Variants in ARMC8 observed in about 807,000 individuals in gnomAD.
The protein encoded by ARMC8 is armadillo repeat-containing protein 8.
A neutral mutation model predicts 99.3 loss-of-function variants in ARMC8; 20 were observed. The observed-to-expected ratio is 0.20, with a 90% CI of 0.14 to 0.29. The LOEUF is 0.29. Among genes scored for constraint, ARMC8 ranks in the 10% least tolerant of loss-of-function variants. The pLI, the probability that ARMC8 is intolerant of heterozygous loss-of-function variation, is 1.00. For synonymous variants in ARMC8, 263 were observed against 278.3 expected (o/e 0.95, Z 0.55); for missense variants, 569 against 809.5 (o/e 0.70, Z 3.60).
intron 5 of ARMC8, among the ~76,000 whole-genome samples, chr3:138,224,588 T>G (rs1273146409): frequency 6.6e-6 from 1 of 152,124 alleles, no homozygotes; most frequent in Non-Finnish European, 1.5e-5. Flanking sequence ...CCATTTCTAT[T>G]AAAACTACAG....
intron 6 of ARMC8, 129 bp downstream of exon 6, chr3:138,229,139 T>A (rs1356723568): frequency 2.0e-4 from 8 of 39,682 alleles, no homozygotes; most frequent in Non-Finnish European, 2.0e-4. Context: ...TGCGTGTATA[T>A]ATATATATAT....
chr3:138,245,153 T>C lies in ARMC8; in HGVS notation c.1104T>C (p.Leu368=). ...RQAAFKLYAS[L]GANDEDIRKK... Reference sequence around the variant, plus strand: ...CTGCATTCAAGCTCTATGCCTCTCTTGGAGCAAATGATGAAGACATCCGGA... The same window carrying C: ...CTGCATTCAAGCTCTATGCCTCTCTCGGAGCAAATGATGAAGACATCCGGA... The change falls in exon 12 of 22, where the codon CTT becomes CTC. Residue 368 remains leucine (L), a synonymous_variant. Coordinates refer to ENST00000469044, the MANE Select transcript of ARMC8 (RefSeq NM_001363941.2). The C allele has an allele frequency of 1.9e-6, 3 of 1,614,206 alleles. No homozygotes were observed. Among genetic ancestry groups the C allele is most frequent in the Non-Finnish European group, 2.5e-6 (3 of 1,180,038 alleles).
intron 1 of ARMC8, among the ~76,000 whole-genome samples, chr3:138,192,041 T>A (rs1314331669): frequency 6.6e-6 from 1 of 152,222 alleles, no homozygotes; most frequent in East Asian, 1.9e-4. Flanking sequence ...AGATGGTAAA[T>A]GCATGTTTAA....
intron 12 of ARMC8, chr3:138,246,892 T>A (rs1275464435): frequency 2.3e-6 from 2 of 881,598 alleles, no homozygotes; most frequent in African/African-American, 3.6e-5. Context: ...TAATTATAGT[T>A]TTTTGTGTGG....
chr3:138,263,560 C>T, intron 12 of ARMC8, 179 bp from the exon 13 acceptor site: 1 of 633,278 alleles, frequency 1.6e-6, no homozygotes, highest in East Asian at 2.8e-5. Flanking sequence ...CCTTAGTGGG[C>T]TAGACCTACC....
chr3:138,234,794 T>G (rs141894284), intron 6 of ARMC8, among the ~76,000 whole-genome samples: 45 of 152,314 alleles, frequency 3.0e-4, no homozygotes, highest in African/African-American at 1.1e-3. Context: ...GGCCCACTTC[T>G]ATATTTCTAG....
chr3:138,246,845 G>A (rs2046904150), intron 12 of ARMC8: 4 of 950,978 alleles, frequency 4.2e-6, no homozygotes, highest in East Asian at 1.2e-4. Context: ...GATCGTTTCT[G>A]TAGAAAGATG....
At chr3:138,206,994 T>C (rs943760178) in intron 1 of ARMC8, among the ~76,000 whole-genome samples, 1 of 152,246 alleles carries the variant, frequency 6.6e-6, no homozygotes, top group African/African-American at 2.4e-5. Flanking sequence ...AAATCTCCAA[T>C]TGTGGTCCAC....
chr3:138,196,194 T>G (rs951982306), intron 1 of ARMC8, among the ~76,000 whole-genome samples: 9 of 152,180 alleles, frequency 5.9e-5, no homozygotes, highest in African/African-American at 2.2e-4. Flanking sequence ...GTCATGATGA[T>G]CATTATGATA....
At chr3:138,269,289 TGACAA>T (rs1248752599) in intron 15 of ARMC8, among the ~76,000 whole-genome samples, 1 of 152,222 alleles carries the variant, frequency 6.6e-6, no homozygotes, top group Non-Finnish European at 1.5e-5. Context: ...ATAATCCTCT[TGACAA>T]GTGACCTTTA....
chr3:138,262,558 C>T lies in ARMC8; in HGVS notation c.1135-1181C>T, dbSNP rs760246183. ...TCTCATTTTAGTCTAGGTCAGTGAT[C>T]TTCAACCTTGGCTGTGTACTGGACT... On this transcript the variant is annotated intron_variant, in intron 12 of 21. Coordinates refer to ENST00000469044, the MANE Select transcript of ARMC8 (RefSeq NM_001363941.2). 1.9e-6 allele frequency: 3 copies of T among 1,611,614 alleles called. No homozygotes were observed. In the African/African-American group the frequency reaches 4.0e-5, roughly 22 times the overall value.
intron 18 of ARMC8, among the ~76,000 whole-genome samples, chr3:138,278,334 TG>T (rs2049513234): frequency 2.0e-5 from 3 of 152,032 alleles, no homozygotes; most frequent in Admixed American, 2.0e-4. Context: ...GGTGAAGCCC[TG>T]TCTTTACTAA....
chr3:138,187,733 G>C, intron 1 of ARMC8, 134 bp downstream of exon 1: 2 of 958,452 alleles, frequency 2.1e-6, no homozygotes, highest in African/African-American at 1.6e-5. Flanking sequence ...GGGCCAGGGA[G>C]TGAGCGAGGG....
At chr3:138,213,922 A>T (rs2044853629) in intron 2 of ARMC8, among the ~76,000 whole-genome samples, 1 of 152,126 alleles carries the variant, frequency 6.6e-6, no homozygotes, top group Non-Finnish European at 1.5e-5. Flanking sequence ...TACAGTGGAG[A>T]GACCAAGGCG....
At chr3:138,246,074 T>A in intron 12 of ARMC8, 2 of 985,346 alleles carry the variant, frequency 2.0e-6, no homozygotes, top group Non-Finnish European at 2.4e-6. Flanking sequence ...AATCACAAAG[T>A]ATTAGAGTTT....
chr3:138,255,207 T>G (rs9827468), intron 12 of ARMC8, among the ~76,000 whole-genome samples: 1 of 121,320 alleles, frequency 8.2e-6, no homozygotes, highest in Non-Finnish European at 1.7e-5. Context: ...TTTTTTTTTG[T>G]TTTTTTTTTT....
At chr3:138,263,141 G>A (rs868162859) in intron 12 of ARMC8, among the ~76,000 whole-genome samples, 11 of 152,178 alleles carry the variant, frequency 7.2e-5, no homozygotes, top group Admixed American at 1.3e-4. Context: ...TATTTATTTT[G>A]TATCTAGACA....
At chr3:138,221,140 C>T (rs1345627779) in intron 2 of ARMC8, among the ~76,000 whole-genome samples, 1 of 151,988 alleles carries the variant, frequency 6.6e-6, no homozygotes, top group African/African-American at 2.4e-5. Flanking sequence ...AGTTTTGCTC[C>T]TGGTGAAGTA....
chr3:138,264,250 C>T lies in ARMC8; in HGVS notation c.1299+38C>T, dbSNP rs773981057. 9.7e-6 allele frequency: 15 copies of T among 1,546,164 alleles called. No homozygotes were observed. The South Asian group carries it at 1.7e-4, about 17-fold the overall frequency. ...GGTCAGCCAGTAACAGCTGTACTCACAGACCCTAGAGTGAGCTGAGCTAGC... is the reference window on the plus strand; with the variant it reads ...GGTCAGCCAGTAACAGCTGTACTCATAGACCCTAGAGTGAGCTGAGCTAGC... On this transcript the variant is annotated intron_variant, in intron 14 of 21. Coordinates refer to ENST00000469044, the MANE Select transcript of ARMC8 (RefSeq NM_001363941.2).
Sources: allele counts gnomAD v4.1 joint callset (sites outside exome capture counted in the v4.1 genomes callset), GRCh38; gene constraint gnomAD v4.1.1; transcripts MANE v1.5; gene names NCBI Gene and HGNC (gene_info 2026-07-23, HGNC 2026-07-21).